Variants in MON2 observed in about 807,000 individuals in gnomAD.
MON2 encodes protein MON2 homolog.
MON2 carries 84 observed loss-of-function variants against 208.6 expected under a neutral mutation model. That is an observed-to-expected ratio of 0.40 (90% CI 0.34 to 0.48). The LOEUF is 0.48. MON2 is among the 20% of genes least tolerant of loss of function. The pLI is 0.59. For missense variants in MON2, 1,611 were observed against 2,015.4 expected (o/e 0.80, Z 3.84); for synonymous variants, 660 against 694.0 (o/e 0.95, Z 0.77).
intron 11 of MON2, among the ~76,000 whole-genome samples, chr12:62,528,610 C>T (rs1362662015): frequency 6.6e-6 from 1 of 152,160 alleles, no homozygotes; most frequent in East Asian, 1.9e-4. Flanking sequence ...TTTCTCTTAA[C>T]TATTCTAGTG....
Position 62,500,812 on chromosome 12 carries a change from G to A in MON2, c.595G>A (p.Gly199Arg). The A allele has an allele frequency of 6.3e-7, 1 of 1,596,672 alleles. No individual in the cohort carries two copies. The highest frequency in any genetic ancestry group is 8.5e-7 in the Non-Finnish European group (1 of 1,171,692). The change falls in exon 6 of 35, where the codon GGA (glycine) becomes AGA (arginine). Residue 199 changes from glycine to arginine, a missense_variant. Gly to Arg is a moderately radical substitution (Grantham distance 125). Transcript: ENST00000393630. ...DIIEQPVLVQ[G>R]NSNRRSVSTL... ...TATAGAACAACCAGTACTGGTACAA[G>A]GAAATAGTAACAGAAGATCTGTCAG... is the stretch of plus-strand genomic sequence containing the variant.
intron 7 of MON2, among the ~76,000 whole-genome samples, chr12:62,502,993 A>G (rs745315449): frequency 2.6e-5 from 4 of 152,230 alleles, no homozygotes; most frequent in Non-Finnish European, 5.9e-5. Context: ...AGCAGTATAT[A>G]CACTGATGAT....
intron 12 of MON2, among the ~76,000 whole-genome samples, chr12:62,533,820 T>A (rs1450057179): frequency 1.3e-5 from 2 of 152,196 alleles, no homozygotes; most frequent in Non-Finnish European, 2.9e-5. Context: ...TTCTAAAATG[T>A]CTGTTTCTCT....
At chr12:62,534,518 C>CAAAAAAAAAAAAAAA (rs869145698) in intron 12 of MON2, among the ~76,000 whole-genome samples, 1 of 67,470 alleles carries the variant, frequency 1.5e-5, no homozygotes, top group African/African-American at 6.7e-5. Flanking sequence ...GACTCCATCG[C>CAAAAAAAAAAAAAAA]AAAAAAAAAA....
At chr12:62,488,872 G>A (rs1038875816) in intron 2 of MON2, among the ~76,000 whole-genome samples, 1 of 151,930 alleles carries the variant, frequency 6.6e-6, no homozygotes, top group African/African-American at 2.4e-5. Context: ...ATAGGGGAGG[G>A]ATAGCATTAG....
At chr12:62,548,392 G>T (rs2073593490) in intron 22 of MON2, among the ~76,000 whole-genome samples, 1 of 152,088 alleles carries the variant, frequency 6.6e-6, no homozygotes, top group African/African-American at 2.4e-5. Flanking sequence ...ATTTGGAGGG[G>T]ACATATGGAC....
chr12:62,540,604 C>T (rs1392749506), intron 19 of MON2, among the ~76,000 whole-genome samples: 2 of 151,954 alleles, frequency 1.3e-5, no homozygotes, highest in Non-Finnish European at 2.9e-5. Flanking sequence ...AGAGTGGTAG[C>T]AACAGATACG....
In MON2 at chr12:62,535,712, A is replaced by G; in HGVS notation, c.1900+3A>G. On this transcript the variant is annotated splice_donor_region_variant and intron_variant, in intron 14 of 34. Transcript: ENST00000393630. ...TGCAGCTACACTTTCCAACAAATGTAAGACAGGCTTACTCAAAATTCTCTC... is the reference window on the plus strand; with the variant it reads ...TGCAGCTACACTTTCCAACAAATGTGAGACAGGCTTACTCAAAATTCTCTC... 1.2e-6 allele frequency: 2 copies of G among 1,603,188 alleles called. No homozygotes were observed. The highest frequency in any genetic ancestry group is 1.7e-6 in the Non-Finnish European group (2 of 1,174,186).
At chr12:62,561,436 T>C (rs1041611222) in intron 26 of MON2, among the ~76,000 whole-genome samples, 2 of 152,148 alleles carry the variant, frequency 1.3e-5, no homozygotes, top group African/African-American at 2.4e-5. Flanking sequence ...AGTAAAGTAC[T>C]TTTATAATTA....
At chr12:62,488,364 C>G (rs1306376147) in intron 2 of MON2, among the ~76,000 whole-genome samples, 5 of 152,018 alleles carry the variant, frequency 3.3e-5, no homozygotes, top group African/African-American at 1.2e-4. Flanking sequence ...ATAAAAGTAT[C>G]AAGTAAAGGG....
At chr12:62,558,378 T>C (rs555313390) in intron 25 of MON2, among the ~76,000 whole-genome samples, 5 of 152,316 alleles carry the variant, frequency 3.3e-5, no homozygotes, top group African/African-American at 1.2e-4. Flanking sequence ...GAATAAGTTT[T>C]ATATTTTTAA....
intron 12 of MON2, 106 bp downstream of exon 12, chr12:62,532,776 C>A (rs2072716937): frequency 1.3e-6 from 1 of 756,824 alleles, no homozygotes. Context: ...AAGTGTTAAC[C>A]ACTTTCCCAC....
chr12:62,595,322 T>C lies in MON2; in HGVS notation c.*2573T>C, dbSNP rs941749763. On this transcript the variant is annotated 3_prime_UTR_variant, in exon 35 of 35. Coordinates refer to ENST00000393630, the MANE Select transcript of MON2 (RefSeq NM_015026.3). ...ATGCCAGGCTAATTTTTTTAATATT[T>C]TTAGTAGAGATGGGGTTTCACCATT... 6.6e-6 allele frequency: 1 copy of C among 152,100 alleles called. No homozygotes were observed. Among genetic ancestry groups the C allele is most frequent in the Non-Finnish European group, 1.5e-5 (1 of 68,020 alleles). 9.4% of individuals were successfully genotyped at this position (152,100 alleles called of 1,614,324 possible). A position where few individuals can be genotyped will look rare whatever the true frequency, so the allele number is the denominator to read the frequency against.
intron 7 of MON2, among the ~76,000 whole-genome samples, chr12:62,506,903 G>A (rs924427277): frequency 3.3e-5 from 5 of 152,124 alleles, no homozygotes; most frequent in African/African-American, 9.7e-5. Flanking sequence ...TTTGAGGCTA[G>A]TCATTAAATA....
In MON2 at chr12:62,535,594, G is replaced by A; in HGVS notation, c.1785G>A (p.Leu595=). ...ELTMAALCGR[L]GLVTSRDAFI... is the part of the protein sequence containing the mutation. Reference sequence around the variant, plus strand: ...CTATGGCTGCTCTTTGTGGAAGACTGGGCCTTGTAACTTCAAGAGATGCCT... The same window carrying A: ...CTATGGCTGCTCTTTGTGGAAGACTAGGCCTTGTAACTTCAAGAGATGCCT... The change falls in exon 14 of 35, where the codon CTG becomes CTA. Residue 595 remains leucine (L), a synonymous_variant. Transcript: ENST00000393630. 1 of 1,613,688 alleles carries A rather than the reference G, an allele frequency of 6.2e-7. No homozygotes were observed. Among genetic ancestry groups the A allele is most frequent in the African/African-American group, 1.3e-5 (1 of 74,978 alleles).
chr12:62,526,611 A>T (rs1383232981), intron 11 of MON2, among the ~76,000 whole-genome samples: 1 of 152,174 alleles, frequency 6.6e-6, no homozygotes, highest in Non-Finnish European at 1.5e-5. Context: ...ATTAATTAAA[A>T]AGTGTTTAAT....
intron 30 of MON2, among the ~76,000 whole-genome samples, chr12:62,574,219 A>G (rs1218949805): frequency 6.6e-6 from 1 of 152,182 alleles, no homozygotes; most frequent in African/African-American, 2.4e-5. Context: ...GCTTGTTTCC[A>G]CTATTATTGT....
In MON2 at chr12:62,500,859, A is replaced by G; in HGVS notation, c.642A>G (p.Lys214=). The G allele has an allele frequency of 6.3e-7, 1 of 1,578,128 alleles. No individual in the cohort carries two copies. The highest frequency in any genetic ancestry group is 8.6e-7 in the Non-Finnish European group (1 of 1,158,234). Residue 214 remains lysine (K), a synonymous_variant, in exon 6 of 35, where the codon AAA becomes AAG. Transcript: ENST00000393630. The stretch of plus-strand genomic sequence containing the variant: ...TCAGTACCCTCAAACCTTGTGCTAA[A>G]GATGCATATATGCTTTTCCAGGTAT... The part of the protein sequence containing the change: ...RSVSTLKPCA[K]DAYMLFQDLC...
At chr12:62,573,043 T>C (rs2074653789) in intron 30 of MON2, among the ~76,000 whole-genome samples, 1 of 152,212 alleles carries the variant, frequency 6.6e-6, no homozygotes, top group South Asian at 2.1e-4. Flanking sequence ...GTCTTATAGT[T>C]CAGAATTTAA....
Sources: gnomAD v4.1 joint callset for allele counts (sites outside exome capture counted in the v4.1 genomes callset) on GRCh38, gnomAD v4.1.1 for gene constraint, MANE v1.5 for transcripts, NCBI Gene and HGNC (gene_info 2026-07-23, HGNC 2026-07-21) for gene names.